The following STAT4 variants were observed in gnomAD, a reference collection of about 807,000 sequenced individuals.
STAT4 encodes signal transducer and activator of transcription 4.
STAT4 carries 42 observed loss-of-function variants against 110.5 expected under a neutral mutation model. The observed-to-expected ratio is 0.38, with a 90% CI of 0.30 to 0.49. STAT4 has a LOEUF of 0.49. Ranked by LOEUF, STAT4 falls within the 20% of genes least tolerant of loss-of-function variation. The probability of loss-of-function intolerance (pLI) is 0.95; values close to 1 mark genes in which losing one functional copy is unlikely to be tolerated. For synonymous variants in STAT4, 284 were observed against 302.2 expected, an observed-to-expected ratio of 0.94 and a Z score of 0.63; for missense variants, 632 against 887.9, an observed-to-expected ratio of 0.71 and a Z score of 3.66.
rs1010291026 is a variant in STAT4 at position 191,039,879 on chromosome 2, C to A, written c.1336-582G>T. ...ACTTTATGAGATAAACAGGCTTTTA[C>A]AAATTAGCTTGGGAAACTAATCAAC... is the stretch of plus-strand genomic sequence containing the variant. On this transcript the variant is annotated intron_variant, in intron 15 of 23. Coordinates refer to ENST00000392320, the MANE Select transcript of STAT4 (RefSeq NM_003151.4). This position sits in a 1 kb window ranked among gnomAD's most constrained non-coding sequence, Gnocchi z 4.7. Among the ~76,000 whole-genome samples the A allele has an allele frequency of 6.6e-6, 1 of 152,186 alleles. No individual in the cohort carries two copies. Among genetic ancestry groups the A allele is most frequent in the Admixed American group, 6.5e-5 (1 of 15,280 alleles).
rs2125297164 is a variant in STAT4, at chr2:191,086,384, G to T, written c.274-10059C>A. On this transcript the variant is annotated intron_variant, in intron 3 of 23. Coordinates refer to ENST00000392320, the MANE Select transcript of STAT4 (RefSeq NM_003151.4). This position sits in a 1 kb window ranked among gnomAD's most constrained non-coding sequence, Gnocchi z 5.5. ...AGATAAATCCTTGGCTGGGCTTGAG[G>T]CTTTTAAAAGGTCTAATTTGAGAGT... Among the ~76,000 whole-genome samples, 1 of 152,210 alleles carries T rather than the reference G, an allele frequency of 6.6e-6. No homozygotes were observed. Among genetic ancestry groups the T allele is most frequent in the South Asian group, 2.1e-4 (1 of 4,826 alleles).
At chr2:191,103,462 T>G (rs1027728338) in intron 3 of STAT4, among the ~76,000 whole-genome samples, 1 of 152,154 alleles carries the variant, frequency 6.6e-6, no homozygotes, top group African/African-American at 2.4e-5. Flanking sequence ...AAACCTGAAG[T>G]CCTTATTACC....
intron 3 of STAT4, among the ~76,000 whole-genome samples, chr2:191,098,847 CTA>C (rs1698079378): frequency 6.6e-6 from 1 of 151,842 alleles, no homozygotes; most frequent in Admixed American, 6.6e-5. Flanking sequence ...TCCCTAGAAA[CTA>C]TACAAAAAAG....
Position 191,061,625 on chromosome 2 carries a change from T to C in STAT4, c.1034+104A>G. The C allele has an allele frequency of 9.1e-7, 1 of 1,098,536 alleles. No homozygotes were observed. The allele number at this position is 1,098,536 out of a possible 1,614,324, so 68.0% of individuals were successfully genotyped here. On this transcript the variant is annotated intron_variant, in intron 10 of 23. Transcript: ENST00000392320. This position sits in a 1 kb window ranked among gnomAD's most constrained non-coding sequence, Gnocchi z 6.2. ...GCTGGGCACACAGCAGATGGTTCAA[T>C]AAAGAACAGCTGAATGCAAGCCACA...
rs1393574532 is a variant in STAT4, at chr2:191,058,429, C to T, written c.1095-210G>A. On this transcript the variant is annotated intron_variant, in intron 11 of 23. Coordinates refer to ENST00000392320, the MANE Select transcript of STAT4 (RefSeq NM_003151.4). The surrounding 1 kb of genome is among the most constrained non-coding windows in gnomAD (Gnocchi z 4.3). ...TCTCCTGCCTCAGCCTCCTGAGTAG[C>T]TGGGATTACAGGCATGAGCCGCCGC... 1.3e-5 allele frequency among the ~76,000 whole-genome samples: 2 copies of T among 152,128 alleles called. No individual in the cohort carries two copies. The highest frequency in any genetic ancestry group is 2.9e-5 in the Non-Finnish European group (2 of 68,026).
At chr2:191,105,492 T>C (rs1285695837) in intron 3 of STAT4, among the ~76,000 whole-genome samples, 1 of 152,230 alleles carries the variant, frequency 6.6e-6, no homozygotes, top group Non-Finnish European at 1.5e-5. Flanking sequence ...CAGATTATCT[T>C]AAACAGTATT....
At chr2:191,055,057 A>G (rs1047275631) in intron 13 of STAT4, among the ~76,000 whole-genome samples, 2 of 152,218 alleles carry the variant, frequency 1.3e-5, no homozygotes, top group Non-Finnish European at 2.9e-5. Context: ...GCAGAAAACA[A>G]ATTTTATAGT....
intron 13 of STAT4, among the ~76,000 whole-genome samples, chr2:191,056,273 C>T (rs377512427): frequency 3.3e-5 from 5 of 151,784 alleles, no homozygotes; most frequent in South Asian, 4.2e-4. Flanking sequence ...TGGTTTCTGG[C>T]GAGAAAAATA....
intron 3 of STAT4, among the ~76,000 whole-genome samples, chr2:191,137,621 T>C (rs866736340): frequency 6.6e-6 from 1 of 152,190 alleles, no homozygotes; most frequent in Non-Finnish European, 1.5e-5. Flanking sequence ...CAAAGTATAT[T>C]ATAAGACTAT....
chr2:191,058,845 A>G lies in STAT4; in HGVS notation c.1035-76T>C. On this transcript the variant is annotated intron_variant, in intron 10 of 23. Transcript: ENST00000392320. The surrounding 1 kb of genome is among the most constrained non-coding windows in gnomAD (Gnocchi z 4.3). ...TAAAAACCCTTTTTTATATTTAAAC[A>G]TTTAAATATACTATGAAATATGCAT... 18 of 783,704 alleles carry G rather than the reference A, an allele frequency of 2.3e-5. No individual in the cohort carries two copies. Among genetic ancestry groups the G allele is most frequent in the Middle Eastern group, 3.3e-4 (1 of 3,014 alleles). 48.5% of individuals were successfully genotyped at this position (783,704 alleles called of 1,614,324 possible).
intron 14 of STAT4, among the ~76,000 whole-genome samples, chr2:191,045,181 CAAA>C (rs1696315431): frequency 6.6e-6 from 1 of 152,018 alleles, no homozygotes; most frequent in Non-Finnish European, 1.5e-5. Context: ...ATTTACAGCT[CAAA>C]AAATAATCAC....
rs1698099044 is a variant in STAT4, at chr2:191,099,518, G to A, written c.274-23193C>T. Among the ~76,000 whole-genome samples, 5 of 152,050 alleles carry A rather than the reference G, an allele frequency of 3.3e-5. No individual in the cohort carries two copies. Among genetic ancestry groups the A allele is most frequent in the Admixed American group, 3.3e-4 (5 of 15,260 alleles). On this transcript the variant is annotated intron_variant, in intron 3 of 23. Transcript: ENST00000392320. This position sits in a 1 kb window ranked among gnomAD's most constrained non-coding sequence, Gnocchi z 4.1. ...ACATTTCCTACCATTAAAATGGAGG[G>A]ATTTCTGTTACGTAAAATTTGGAAA... is the stretch of plus-strand genomic sequence containing the variant.
At chr2:191,125,088 C>A (rs543609083) in intron 3 of STAT4, among the ~76,000 whole-genome samples, 29 of 152,088 alleles carry the variant, frequency 1.9e-4, no homozygotes, top group Non-Finnish European at 3.1e-4. Context: ...CTACAGAGAG[C>A]CAATGAAATA....
rs1696597870 is a variant in STAT4 at position 191,053,847 on chromosome 2, G to A, written c.1251+643C>T. ...TAAAATTATGGAAAACTGTTCTCCG[G>A]GCTGGGCACGGTGGCTCACGCCTAT... On this transcript the variant is annotated intron_variant, in intron 14 of 23. Transcript: ENST00000392320. The surrounding 1 kb of genome is among the most constrained non-coding windows in gnomAD (Gnocchi z 4.5). 6.6e-6 allele frequency among the ~76,000 whole-genome samples: 1 copy of A among 152,052 alleles called. No individual in the cohort carries two copies. Among genetic ancestry groups the A allele is most frequent in the Non-Finnish European group, 1.5e-5 (1 of 67,988 alleles).
rs1019770300 is a variant in STAT4, at chr2:191,146,206, G to A, written c.273+407C>T. ...GGAGTGTGAGATCTGAACCAAATCT[G>A]TAAGAATACATTCACTCATGATGCT... On this transcript the variant is annotated intron_variant, in intron 3 of 23. Transcript: ENST00000392320. This position sits in a 1 kb window ranked among gnomAD's most constrained non-coding sequence, Gnocchi z 4.5. Among the ~76,000 whole-genome samples the A allele has an allele frequency of 3.3e-5, 5 of 152,268 alleles. No individual in the cohort carries two copies. Among genetic ancestry groups the A allele is most frequent in the Middle Eastern group, 3.4e-3 (1 of 294 alleles).
chr2:191,120,291 T>C (rs147602439), intron 3 of STAT4, among the ~76,000 whole-genome samples: 1 of 152,294 alleles, frequency 6.6e-6, no homozygotes, highest in Admixed American at 6.5e-5. Context: ...GCAATACATA[T>C]ATCTGACAAA....
At position 191,033,410 on chromosome 2, in the gene STAT4, T is replaced by C. The variant is rs1695956060; in HGVS notation, c.1852+80A>G. ...ACATCACAGACAGATCAACACACCA[T>C]ACACTTCCAAAAACTGAAATCCCAG... On this transcript the variant is annotated intron_variant, in intron 20 of 23. Transcript: ENST00000392320. This position sits in a 1 kb window ranked among gnomAD's most constrained non-coding sequence, Gnocchi z 6.9. The C allele has an allele frequency of 1.4e-6, 2 of 1,479,618 alleles. No homozygotes were observed. The highest frequency in any genetic ancestry group is 2.2e-5 in the Admixed American group (1 of 46,296). The allele number at this position is 1,479,618 out of a possible 1,614,324, so 91.7% of individuals were successfully genotyped here.
chr2:191,049,602 C>T (rs1263630998), intron 14 of STAT4, among the ~76,000 whole-genome samples: 2 of 152,040 alleles, frequency 1.3e-5, no homozygotes, highest in African/African-American at 4.8e-5. Context: ...TGTAATGTCC[C>T]CCATGGAAAA....
In STAT4 at chr2:191,058,561, C is replaced by T; in HGVS notation, c.1094+149G>A. 3 of 625,170 alleles carry T rather than the reference C, an allele frequency of 4.8e-6. No homozygotes were observed. The highest frequency in any genetic ancestry group is 3.0e-5 in the East Asian group (1 of 33,008). 38.7% of individuals were successfully genotyped at this position (625,170 alleles called of 1,614,324 possible). On this transcript the variant is annotated intron_variant, in intron 11 of 23. Transcript: ENST00000392320. This position sits in a 1 kb window ranked among gnomAD's most constrained non-coding sequence, Gnocchi z 4.3. ...CATTGAATTTTGTTAAATGTTTGAA[C>T]TTCAAAGTCAAATATTTGAAGTACA...
Sources: gnomAD v4.1 joint callset for allele counts (sites outside exome capture counted in the v4.1 genomes callset) on GRCh38, gnomAD v4.1.1 for gene constraint, Gnocchi (gnomAD v3.1) non-coding constraint, MANE v1.5 for transcripts, NCBI Gene and HGNC (gene_info 2026-07-23, HGNC 2026-07-21) for gene names.